The following MEIS2 variants were observed in gnomAD, a reference collection of about 807,000 sequenced individuals.
MEIS2 encodes the protein homeobox protein Meis2.
In MEIS2, 9 loss-of-function variants were observed where a neutral mutation model predicts 58.6. The ratio of observed to expected loss-of-function variants is 0.15; its 90% CI spans 0.09 to 0.27. The LOEUF is 0.27. Among genes scored for constraint, MEIS2 ranks in the 10% least tolerant of loss-of-function variants. The probability of loss-of-function intolerance (pLI) is 1.00; values close to 1 mark genes in which losing one functional copy is unlikely to be tolerated. For missense variants in MEIS2, 427 were observed against 635.0 expected, an observed-to-expected ratio of 0.67 and a Z score of 3.52; for synonymous variants, 221 against 228.4, an observed-to-expected ratio of 0.97 and a Z score of 0.29.
rs1205549790 is a variant in MEIS2, at chr15:36,996,032, TACACACACAC to T, written c.900+40772_900+40781del. Among the ~76,000 whole-genome samples the T allele has an allele frequency of 5.1e-4, 59 of 115,306 alleles. No individual in the cohort carries two copies. In the East Asian group the frequency reaches 5.6e-3, roughly 11 times the overall value. 75.6% of individuals were successfully genotyped at this position (115,306 alleles called of 152,430 possible). On this transcript the variant is annotated intron_variant, in intron 8 of 11. Coordinates refer to ENST00000561208, the MANE Select transcript of MEIS2 (RefSeq NM_170675.5). The stretch of plus-strand genomic sequence containing the variant: ...ATATATATACATATGTGTATATATA[TACACACACAC>T]ACACATATATATATACACACACATA...
intron 8 of MEIS2, among the ~76,000 whole-genome samples, chr15:36,982,187 A>T (rs1175048101): frequency 6.6e-6 from 1 of 152,166 alleles, no homozygotes; most frequent in East Asian, 1.9e-4. Flanking sequence ...TCTCTGGAGA[A>T]TCCTGACTGA....
chr15:37,095,243 C>T (rs1894081002), intron 4 of MEIS2, among the ~76,000 whole-genome samples: 3 of 151,758 alleles, frequency 2.0e-5, no homozygotes, highest in South Asian at 2.1e-4. Context: ...GGCTCGGCCG[C>T]CTGCCCCGGC....
chr15:37,021,059 T>G (rs2061509674), intron 8 of MEIS2, among the ~76,000 whole-genome samples: 1 of 152,218 alleles, frequency 6.6e-6, no homozygotes, highest in Non-Finnish European at 1.5e-5. Flanking sequence ...CTGCTGCACC[T>G]GGCTCTTGGA....
intron 8 of MEIS2, among the ~76,000 whole-genome samples, chr15:36,965,799 GACTA>G (rs1235055616): frequency 1.3e-5 from 2 of 152,076 alleles, no homozygotes; most frequent in Admixed American, 6.6e-5. Flanking sequence ...ATGACCAGGA[GACTA>G]ACTAGTCATT....
intron 8 of MEIS2, among the ~76,000 whole-genome samples, chr15:36,976,288 G>A (rs539280783): frequency 1.3e-5 from 2 of 151,990 alleles, no homozygotes; most frequent in East Asian, 3.9e-4. Context: ...GTTTCACCAT[G>A]TTGGCCAGGC....
chr15:36,992,258 TTCC>T lies in MEIS2; in HGVS notation c.901-41861_901-41859del, dbSNP rs1171602831. 3.3e-5 allele frequency among the ~76,000 whole-genome samples: 5 copies of T among 152,116 alleles called. No individual in the cohort carries two copies. In the East Asian group the frequency reaches 7.7e-4, roughly 24 times the overall value. ...ATTAGTCAAATTAGCTTAGTATTTC[TTCC>T]TCAATACTTAGAAGTTGAAAAGTTC... On this transcript the variant is annotated intron_variant, in intron 8 of 11. Transcript: ENST00000561208.
intron 8 of MEIS2, among the ~76,000 whole-genome samples, chr15:37,016,671 T>TAAGTATAAG (rs2061360763): frequency 1.3e-5 from 2 of 152,338 alleles, no homozygotes; most frequent in African/African-American, 4.8e-5. Flanking sequence ...ATAGGAACTT[T>TAAGTATAAG]TGCCTTTAAC....
chr15:37,008,740 G>C (rs2061012858), intron 8 of MEIS2, among the ~76,000 whole-genome samples: 1 of 152,074 alleles, frequency 6.6e-6, no homozygotes, highest in Admixed American at 6.6e-5. Flanking sequence ...TTATTGATTT[G>C]GGGGGAAAAA....
chr15:36,900,185 T>A (rs1045129745), intron 9 of MEIS2, among the ~76,000 whole-genome samples: 14 of 152,242 alleles, frequency 9.2e-5, no homozygotes, highest in Non-Finnish European at 1.5e-5. Flanking sequence ...TTAAAAAACA[T>A]TCTGAGTTTT....
intron 8 of MEIS2, among the ~76,000 whole-genome samples, chr15:37,014,967 C>G (rs1260334862): frequency 6.6e-6 from 1 of 151,920 alleles, no homozygotes; most frequent in Non-Finnish European, 1.5e-5. Flanking sequence ...CATAAAAGTA[C>G]TTAATTCAGA....
intron 9 of MEIS2, among the ~76,000 whole-genome samples, chr15:36,949,850 A>G (rs2058694003): frequency 6.6e-6 from 1 of 152,024 alleles, no homozygotes; most frequent in Non-Finnish European, 1.5e-5. Context: ...ATTTAAAAAA[A>G]TATTAGGGTA....
chr15:36,980,650 T>A (rs1383766998), intron 8 of MEIS2, among the ~76,000 whole-genome samples: 3 of 152,158 alleles, frequency 2.0e-5, no homozygotes. Flanking sequence ...CATAACAATT[T>A]CTTAAACTTA....
At chr15:36,963,413 G>A (rs200140830) in intron 8 of MEIS2, among the ~76,000 whole-genome samples, 1 of 150,666 alleles carries the variant, frequency 6.6e-6, no homozygotes, top group Non-Finnish European at 1.5e-5. Flanking sequence ...ACTTGGATTT[G>A]ACCTGGATAC....
At chr15:37,045,897 A>G (rs1418011417) in intron 7 of MEIS2, among the ~76,000 whole-genome samples, 3 of 152,092 alleles carry the variant, frequency 2.0e-5, no homozygotes, top group African/African-American at 7.2e-5. Flanking sequence ...CCTTTTTCAC[A>G]CTCAAAAGGG....
At chr15:36,933,039 C>G (rs910037788) in intron 9 of MEIS2, among the ~76,000 whole-genome samples, 2 of 152,092 alleles carry the variant, frequency 1.3e-5, no homozygotes, top group African/African-American at 4.8e-5. Context: ...GTTTGGGCCC[C>G]CTTCTCTCAG....
At chr15:36,902,174 C>T (rs1359338123) in intron 9 of MEIS2, among the ~76,000 whole-genome samples, 2 of 152,190 alleles carry the variant, frequency 1.3e-5, no homozygotes, top group Non-Finnish European at 2.9e-5. Flanking sequence ...AGCTTACAGT[C>T]AAAATGCACC....
In MEIS2 at chr15:36,889,322, C is replaced by G. The variant is rs889353835; in HGVS notation, c.*2851G>C. On this transcript the variant is annotated 3_prime_UTR_variant, in exon 12 of 12. Coordinates refer to ENST00000561208, the MANE Select transcript of MEIS2 (RefSeq NM_170675.5). ...ACAGCTGAGTCTTTCTTAAATATAC[C>G]CAAATCGGAACTCTTTACACTAAAT... is the stretch of plus-strand genomic sequence containing the variant. The G allele has an allele frequency of 1.3e-5, 2 of 151,900 alleles. No individual in the cohort carries two copies. The highest frequency in any genetic ancestry group is 2.9e-5 in the Non-Finnish European group (2 of 67,988). 9.4% of individuals were successfully genotyped at this position (151,900 alleles called of 1,614,324 possible).
At chr15:36,902,235 T>C (rs2056512052) in intron 9 of MEIS2, among the ~76,000 whole-genome samples, 1 of 152,226 alleles carries the variant, frequency 6.6e-6, no homozygotes, top group Admixed American at 6.5e-5. Context: ...TAATTAGGAA[T>C]AGGTGGGTGG....
chr15:36,913,713 A>C (rs1022424832), intron 9 of MEIS2, among the ~76,000 whole-genome samples: 1 of 151,552 alleles, frequency 6.6e-6, no homozygotes, highest in African/African-American at 2.4e-5. Context: ...ATCCCACTTG[A>C]CTTCACACAC....
Sources: allele counts gnomAD v4.1 joint callset (sites outside exome capture counted in the v4.1 genomes callset), GRCh38; gene constraint gnomAD v4.1.1; transcripts MANE v1.5; gene names NCBI Gene and HGNC (gene_info 2026-07-23, HGNC 2026-07-21).